Variants in CFAP299 observed in about 807,000 individuals in gnomAD.
The protein encoded by CFAP299 is cilia and flagella associated protein 299.
In CFAP299, 21 loss-of-function variants were observed where a neutral mutation model predicts 27.0. The ratio of observed to expected loss-of-function variants is 0.78; its 90% CI spans 0.55 to 1.12. The LOEUF (loss-of-function observed/expected upper bound fraction) is 1.12. CFAP299 is among the 50% of genes most tolerant of loss of function. CFAP299 has a pLI of 0.00. For missense variants in CFAP299, 310 were observed against 276.6 expected (o/e 1.12, Z -0.86); for synonymous variants, 104 against 98.1 (o/e 1.06, Z -0.36).
chr4:80,447,141 T>TTTTTTTTTTTTTTG (rs1560571682), intron 2 of CFAP299, among the ~76,000 whole-genome samples: 3 of 126,474 alleles, frequency 2.4e-5, no homozygotes, highest in African/African-American at 9.8e-5. Context: ...TTTTTTTTTT[T>TTTTTTTTTTTTTTG]TTTTTTTTTT....
chr4:80,600,670 A>G (rs576168270), intron 3 of CFAP299, among the ~76,000 whole-genome samples: 23 of 152,208 alleles, frequency 1.5e-4, no homozygotes, highest in African/African-American at 4.8e-4. Flanking sequence ...TCTTCTCACT[A>G]TTGAAAAGGT....
intron 2 of CFAP299, among the ~76,000 whole-genome samples, chr4:80,416,803 A>G (rs547285663): frequency 1.3e-5 from 2 of 152,336 alleles, no homozygotes; most frequent in South Asian, 4.1e-4. Context: ...AAAAGGAGGT[A>G]TGGGGCAGGA....
At chr4:80,448,264 A>G (rs1455921947) in intron 2 of CFAP299, among the ~76,000 whole-genome samples, 1 of 152,224 alleles carries the variant, frequency 6.6e-6, no homozygotes, top group Non-Finnish European at 1.5e-5. Flanking sequence ...CTTAGGAGCT[A>G]TATGGGTGAC....
intron 2 of CFAP299, among the ~76,000 whole-genome samples, chr4:80,576,290 G>T (rs958691279): frequency 3.8e-4 from 58 of 151,006 alleles, no homozygotes; most frequent in Non-Finnish European, 2.1e-4. Flanking sequence ...TCTGTGGAAA[G>T]GTAGAATTAT....
intron 1 of CFAP299, among the ~76,000 whole-genome samples, chr4:80,345,677 A>G (rs1264651009): frequency 6.6e-6 from 1 of 152,088 alleles, no homozygotes; most frequent in Non-Finnish European, 1.5e-5. Context: ...TCTATCACTG[A>G]TGGACATTTA....
chr4:80,936,794 TA>T (rs930770644), intron 4 of CFAP299, among the ~76,000 whole-genome samples: 6 of 151,364 alleles, frequency 4.0e-5, no homozygotes, highest in Admixed American at 1.3e-4. Flanking sequence ...AAAATAAAAA[TA>T]AAAAAATAAA....
At chr4:80,722,646 A>C (rs180846088) in intron 3 of CFAP299, among the ~76,000 whole-genome samples, 1 of 152,118 alleles carries the variant, frequency 6.6e-6, no homozygotes, top group Non-Finnish European at 1.5e-5. Flanking sequence ...CACGCCTGTA[A>C]TCCCAGCACT....
In CFAP299 at chr4:80,826,308, C is replaced by CA. The variant is rs543808987; in HGVS notation, c.334-43679dup. ...AGACAGTAATGCACAAAATGAGGGA[C>CA]AAAAAATCTTAAAAGGCTTATAGAC... On this transcript the variant is annotated intron_variant, in intron 3 of 5. Coordinates refer to ENST00000358105, the MANE Select transcript of CFAP299 (RefSeq NM_152770.3). Among the ~76,000 whole-genome samples, 580 of 150,988 alleles carry CA rather than the reference C, an allele frequency of 3.8e-3. 1 individual carries two copies. Among genetic ancestry groups the CA allele is most frequent in the Middle Eastern group, 0.01 (3 of 292 alleles).
chr4:80,398,148 T>G (rs2110045505), intron 2 of CFAP299, among the ~76,000 whole-genome samples: 1 of 152,210 alleles, frequency 6.6e-6, no homozygotes, highest in East Asian at 1.9e-4. Context: ...AAGGACCTCT[T>G]CAAGGAGAAC....
At chr4:80,838,424 G>T (rs533073070) in intron 3 of CFAP299, among the ~76,000 whole-genome samples, 4 of 152,192 alleles carry the variant, frequency 2.6e-5, no homozygotes, top group African/African-American at 9.6e-5. Context: ...AATCCATCTT[G>T]AGTTAATTTT....
intron 3 of CFAP299, among the ~76,000 whole-genome samples, chr4:80,801,450 A>G (rs1728594253): frequency 6.6e-6 from 1 of 152,112 alleles, no homozygotes; most frequent in Non-Finnish European, 1.5e-5. Flanking sequence ...CTTCAAATAA[A>G]GGGAAAAATG....
At chr4:80,714,978 T>C (rs1366220339) in intron 3 of CFAP299, among the ~76,000 whole-genome samples, 2 of 152,130 alleles carry the variant, frequency 1.3e-5, no homozygotes, top group East Asian at 1.9e-4. Context: ...AAAGAGTTTA[T>C]GTTCAAGCTA....
intron 2 of CFAP299, among the ~76,000 whole-genome samples, chr4:80,550,030 ATAAAT>A (rs549487627): frequency 5.3e-5 from 8 of 152,002 alleles, no homozygotes; most frequent in Admixed American, 1.3e-4. Flanking sequence ...AGGTTATGTT[ATAAAT>A]TAAAGTATTA....
At chr4:80,704,405 A>T (rs950213350) in intron 3 of CFAP299, among the ~76,000 whole-genome samples, 1 of 151,698 alleles carries the variant, frequency 6.6e-6, no homozygotes, top group Non-Finnish European at 1.5e-5. Context: ...AAGAGCTATC[A>T]CAGGAAATAA....
rs182624902 is a variant in CFAP299 at position 80,525,493 on chromosome 4, C to T, written c.243-57600C>T. Among the ~76,000 whole-genome samples, 9 of 152,292 alleles carry T rather than the reference C, an allele frequency of 5.9e-5. No individual in the cohort carries two copies. The East Asian group carries it at 1.7e-3, about 29-fold the overall frequency. ...TTTGTCTGTATCTACTCTGGCCATT[C>T]TCCATCCTTCAGCCAGGGTTATTTC... On this transcript the variant is annotated intron_variant, in intron 2 of 5. Transcript: ENST00000358105.
intron 4 of CFAP299, among the ~76,000 whole-genome samples, chr4:80,894,162 TA>T (rs1202033272): frequency 6.6e-6 from 1 of 151,806 alleles, no homozygotes; most frequent in Non-Finnish European, 1.5e-5. Flanking sequence ...AAAATCACAA[TA>T]AAATATCACC....
intron 3 of CFAP299, among the ~76,000 whole-genome samples, chr4:80,672,509 C>G (rs190971871): frequency 1.3e-5 from 2 of 152,284 alleles, no homozygotes; most frequent in Admixed American, 1.3e-4. Context: ...CAGGATGATA[C>G]TGGCCTCATA....
intron 5 of CFAP299, among the ~76,000 whole-genome samples, chr4:80,949,732 C>T (rs781248409): frequency 2.8e-4 from 43 of 152,024 alleles, no homozygotes; most frequent in Middle Eastern, 6.8e-3. Context: ...TTGGCTTCTG[C>T]GTTGGATTGA....
chr4:80,664,400 T>C (rs1577991099), intron 3 of CFAP299, among the ~76,000 whole-genome samples: 1 of 152,086 alleles, frequency 6.6e-6, no homozygotes, highest in African/African-American at 2.4e-5. Flanking sequence ...TATAAGCCCA[T>C]GACTGGGGTT....
Sources: allele counts gnomAD v4.1 joint callset (sites outside exome capture counted in the v4.1 genomes callset), GRCh38; gene constraint gnomAD v4.1.1; transcripts MANE v1.5; gene names NCBI Gene and HGNC (gene_info 2026-07-23, HGNC 2026-07-21).